CAST: variants seen among roughly 807,000 people sequenced by gnomAD.
The protein encoded by CAST is calpastatin.
Under a neutral mutation model 119.6 loss-of-function variants are expected in CAST, and 76 were observed. That is an observed-to-expected ratio of 0.64 (90% CI 0.53 to 0.77). CAST has a LOEUF of 0.77. CAST is among the 30% of genes least tolerant of loss of function. The pLI is 0.00. For synonymous variants in CAST, 319 were observed against 331.6 expected (o/e 0.96, Z 0.41); for missense variants, 953 against 946.5 (o/e 1.01, Z -0.09).
At chr5:96,022,666 C>T in the CAST span, among the ~76,000 whole-genome samples, 16 of 152,154 alleles carry the variant, frequency 1.1e-4, no homozygotes, top group East Asian at 9.6e-4. Context: ...AGGGTTCTTC[C>T]GAGAAACAGA....
the CAST span, among the ~76,000 whole-genome samples, chr5:96,246,643 A>G: frequency 6.6e-6 from 1 of 152,208 alleles, no homozygotes; most frequent in African/African-American, 2.4e-5. Context: ...AGAGTAAGAG[A>G]GTAATTGGAA....
At chr5:96,154,312 A>G in the CAST span, among the ~76,000 whole-genome samples, 1 of 152,024 alleles carries the variant, frequency 6.6e-6, no homozygotes, top group Non-Finnish European at 1.5e-5. Context: ...AAAAAAAAAC[A>G]TAATGAATGA....
intron 25 of CAST, among the ~76,000 whole-genome samples, chr5:96,764,988 G>A (rs1282158668): frequency 6.6e-6 from 1 of 151,982 alleles, no homozygotes; most frequent in Non-Finnish European, 1.5e-5. Flanking sequence ...AGGGTTGGGT[G>A]GAAGGTGCTG....
At chr5:95,982,958 A>AGTATAT in the CAST span, among the ~76,000 whole-genome samples, 1 of 152,352 alleles carries the variant, frequency 6.6e-6, no homozygotes, top group East Asian at 1.9e-4. Context: ...AAATATGTTC[A>AGTATAT]GTTCTATACC....
At chr5:96,193,521 T>C in the CAST span, among the ~76,000 whole-genome samples, 1 of 152,218 alleles carries the variant, frequency 6.6e-6, no homozygotes, top group Non-Finnish European at 1.5e-5. Context: ...ATATGACCCA[T>C]TACAGAAGAT....
At chr5:96,305,730 G>C in the CAST span, among the ~76,000 whole-genome samples, 1 of 151,022 alleles carries the variant, frequency 6.6e-6, no homozygotes, top group Non-Finnish European at 1.5e-5. Context: ...TTTGTCATTG[G>C]TTCTGTTTAT....
In CAST at chr5:96,773,685, G is replaced by C. The variant is rs185656802; in HGVS notation, c.*1069G>C. 6.6e-6 allele frequency: 1 copy of C among 152,256 alleles called. No individual in the cohort carries two copies. Among genetic ancestry groups the C allele is most frequent in the African/African-American group, 2.4e-5 (1 of 41,550 alleles). 9.4% of individuals were successfully genotyped at this position (152,256 alleles called of 1,614,324 possible). A position where few individuals can be genotyped will look rare whatever the true frequency, so the allele number is the denominator to read the frequency against. On this transcript the variant is annotated 3_prime_UTR_variant, in exon 32 of 32. Transcript: ENST00000675179. ...CTCTGATGTCCTACCACTTTGAATG[G>C]TTTTCTAATATCTTAATGAATAGTT...
At chr5:96,436,330 C>T in the CAST span, among the ~76,000 whole-genome samples, 1 of 152,112 alleles carries the variant, frequency 6.6e-6, no homozygotes, top group African/African-American at 2.4e-5. Context: ...TGAAGAGATT[C>T]ATAACATTTT....
At chr5:96,689,586 A>G (rs1357085031) in intron 2 of CAST, among the ~76,000 whole-genome samples, 4 of 152,234 alleles carry the variant, frequency 2.6e-5, no homozygotes, top group Non-Finnish European at 4.4e-5. Context: ...ATGTGTGCAC[A>G]CATGAGCACA....
chr5:96,257,709 G>A, the CAST span, among the ~76,000 whole-genome samples: 3 of 152,196 alleles, frequency 2.0e-5, no homozygotes, highest in African/African-American at 7.2e-5. Context: ...TGATTCATTG[G>A]TAACTGCTGA....
chr5:96,399,114 A>G, the CAST span: 3 of 1,035,190 alleles, frequency 2.9e-6, no homozygotes, highest in Admixed American at 2.0e-5. Context: ...GCATGCATCA[A>G]TCTTGACTAG....
the CAST span, among the ~76,000 whole-genome samples, chr5:96,503,124 T>C: frequency 3.9e-5 from 6 of 152,358 alleles, no homozygotes; most frequent in Admixed American, 3.3e-4. Flanking sequence ...CTGTAATACC[T>C]TTCAATCTTT....
chr5:96,205,751 T>C, the CAST span, among the ~76,000 whole-genome samples: 3 of 152,124 alleles, frequency 2.0e-5, no homozygotes, highest in Admixed American at 2.0e-4. Context: ...AGGTCTTTGC[T>C]ATTCTGAATA....
chr5:96,221,625 G>C, the CAST span, among the ~76,000 whole-genome samples: 2 of 151,810 alleles, frequency 1.3e-5, no homozygotes, highest in Non-Finnish European at 2.9e-5. Flanking sequence ...AAACAAATGG[G>C]AAAACAGTCC....
the CAST span, among the ~76,000 whole-genome samples, chr5:96,325,034 G>A: frequency 7.9e-5 from 12 of 152,068 alleles, no homozygotes; most frequent in East Asian, 5.8e-4. Flanking sequence ...GTGAAACCTC[G>A]TCTCTACTAA....
intron 1 of CAST, among the ~76,000 whole-genome samples, chr5:96,540,134 T>C (rs1291270460): frequency 6.6e-6 from 1 of 152,152 alleles, no homozygotes; most frequent in East Asian, 1.9e-4. Flanking sequence ...TAAATCTGTT[T>C]ATACATATTA....
intron 1 of CAST, among the ~76,000 whole-genome samples, chr5:96,653,045 C>G (rs1748114134): frequency 6.6e-6 from 1 of 152,190 alleles, no homozygotes; most frequent in Non-Finnish European, 1.5e-5. Context: ...CTGAGTTTCC[C>G]ACAGCCATTA....
chr5:96,453,840 A>G, the CAST span, among the ~76,000 whole-genome samples: 1 of 152,240 alleles, frequency 6.6e-6, no homozygotes, highest in South Asian at 2.1e-4. Context: ...CTTAAGACAA[A>G]GATAGACAAA....
intron 1 of CAST, among the ~76,000 whole-genome samples, chr5:96,547,969 T>C (rs1042388981): frequency 1.5e-5 from 2 of 135,442 alleles, no homozygotes; most frequent in African/African-American, 5.5e-5. Flanking sequence ...ATTCAAAAAC[T>C]GGGCAAATAA....
Sources: gnomAD v4.1 joint callset for allele counts (sites outside exome capture counted in the v4.1 genomes callset) on GRCh38, gnomAD v4.1.1 for gene constraint, MANE v1.5 for transcripts, NCBI Gene and HGNC (gene_info 2026-07-23, HGNC 2026-07-21) for gene names.